Variants in HK2 observed in about 807,000 individuals in gnomAD.
HK2 encodes hexokinase 2.
Under a neutral mutation model 92.9 loss-of-function variants are expected in HK2, and 42 were observed. That is an observed-to-expected ratio of 0.45 (90% CI 0.35 to 0.58). HK2 has a LOEUF of 0.58. Ranked by LOEUF, HK2 falls within the 20% of genes least tolerant of loss-of-function variation. The pLI is 0.00. For missense variants in HK2, 978 were observed against 1,245.1 expected (o/e 0.79, Z 3.23); for synonymous variants, 422 against 468.0 (o/e 0.90, Z 1.27).
At chr2:74,842,182 C>T (rs1378681524) in intron 1 of HK2, among the ~76,000 whole-genome samples, 1 of 152,208 alleles carries the variant, frequency 6.6e-6, no homozygotes, top group Non-Finnish European at 1.5e-5. Flanking sequence ...CTGTGCCTGA[C>T]ATATAGTCAA....
intron 1 of HK2, among the ~76,000 whole-genome samples, chr2:74,843,813 T>G (rs1413211183): frequency 6.6e-6 from 1 of 152,236 alleles, no homozygotes; most frequent in East Asian, 1.9e-4. Context: ...TTTTCCTTCT[T>G]TCCCATTTGA....
intron 1 of HK2, among the ~76,000 whole-genome samples, chr2:74,836,879 TC>T (rs1483226589): frequency 1.3e-5 from 2 of 152,176 alleles, no homozygotes; most frequent in Non-Finnish European, 2.9e-5. Context: ...CCTTCTGAAA[TC>T]CCCTTGTGAT....
At chr2:74,859,208 C>T (rs1457509703) in intron 2 of HK2, among the ~76,000 whole-genome samples, 3 of 152,280 alleles carry the variant, frequency 2.0e-5, no homozygotes, top group Middle Eastern at 3.4e-3. Flanking sequence ...TGATGCATTA[C>T]AAAACATAAA....
chr2:74,863,257 T>A (rs1193148794), intron 2 of HK2, among the ~76,000 whole-genome samples: 1 of 152,234 alleles, frequency 6.6e-6, no homozygotes, highest in Non-Finnish European at 1.5e-5. Context: ...TTGGAGCAGC[T>A]CTGTTTTTCT....
At chr2:74,866,197 T>TA (rs1202039440) in intron 2 of HK2, among the ~76,000 whole-genome samples, 1 of 152,130 alleles carries the variant, frequency 6.6e-6, no homozygotes, top group Non-Finnish European at 1.5e-5. Context: ...TCTCAGGGCC[T>TA]AAGTGCTGGA....
In HK2 at chr2:74,885,845, A is replaced by AACACACACACACACACACAC. The variant is rs71406901; in HGVS notation, c.1935+278_1935+297dup. On this transcript the variant is annotated intron_variant, in intron 13 of 17. Transcript: ENST00000290573. ...TGGCAGGTGCTGTTAAGAGCTGTGAAACACACACACACACACACACACACA... is the reference window on the plus strand; with the variant it reads ...TGGCAGGTGCTGTTAAGAGCTGTGAAACACACACACACACACACACACACACACACACACACACACACACA... Among the ~76,000 whole-genome samples, 201 of 129,138 alleles carry AACACACACACACACACACAC rather than the reference A, an allele frequency of 1.6e-3. 3 individuals carry two copies. The highest frequency in any genetic ancestry group is 6.6e-3 in the East Asian group (29 of 4,378). The allele number at this position is 129,138 out of a possible 152,430, so 84.7% of individuals were successfully genotyped here. A position where few individuals can be genotyped will look rare whatever the true frequency, so the allele number is the denominator to read the frequency against.
chr2:74,861,007 C>G (rs1317083937), intron 2 of HK2, among the ~76,000 whole-genome samples: 1 of 152,198 alleles, frequency 6.6e-6, no homozygotes, highest in Non-Finnish European at 1.5e-5. Flanking sequence ...GTAGGCAGCC[C>G]TAATCTGTGC....
rs1292761568 is a variant in HK2 at position 74,890,810 on chromosome 2, A to G, written c.2623A>G (p.Met875Val). 1 of 1,614,046 alleles carries G rather than the reference A, an allele frequency of 6.2e-7. No individual in the cohort carries two copies. The highest frequency in any genetic ancestry group is 1.1e-5 in the South Asian group (1 of 91,090). Residue 875 changes from methionine (M) to valine (V), a missense_variant, in exon 18 of 18, where the codon ATG (methionine) becomes GTG (valine). Physicochemically the swap from Met to Val is conservative, Grantham distance 21 (BLOSUM62 1). This residue lies in a region of HK2 where 742 missense variants were observed against 922.5 expected (regional missense o/e 0.80). Coordinates refer to ENST00000290573, the MANE Select transcript of HK2 (RefSeq NM_000189.5). ...YKLHPHFAKV[M>V]HETVKDLAPK... ...CACCTTTTCCAGCTTTGCCAAAGTC[A>G]TGCATGAGACAGTGAAGGACCTGGC...
intron 11 of HK2, 33 bp downstream of exon 11, chr2:74,881,892 C>T: frequency 6.2e-7 from 1 of 1,611,140 alleles, no homozygotes; most frequent in South Asian, 1.1e-5. Context: ...GAGGGGGCCC[C>T]TGGTGGACGT....
intron 1 of HK2, among the ~76,000 whole-genome samples, chr2:74,838,334 C>T (rs554791022): frequency 3.9e-5 from 6 of 152,150 alleles, no homozygotes; most frequent in African/African-American, 1.4e-4. Flanking sequence ...GCAGGGCCAG[C>T]TAGTCTTAGG....
intron 11 of HK2, 121 bp downstream of exon 11, chr2:74,881,980 G>A (rs1260220267): frequency 2.1e-6 from 3 of 1,417,756 alleles, no homozygotes; most frequent in African/African-American, 1.4e-5. Context: ...CAGGGCTGCA[G>A]CCTGGTCTTG....
chr2:74,854,431 G>A lies in HK2; in HGVS notation c.202G>A (p.Val68Met), dbSNP rs780432817. 1 of 1,614,216 alleles carries A rather than the reference G, an allele frequency of 6.2e-7. No homozygotes were observed. Among genetic ancestry groups the A allele is most frequent in the Non-Finnish European group, 8.5e-7 (1 of 1,180,028 alleles). ...AGCAGTGAAGATGCTGCCCACCTTTGTGAGGTCCACTCCAGATGGGACAGG... is the reference window on the plus strand; with the variant it reads ...AGCAGTGAAGATGCTGCCCACCTTTATGAGGTCCACTCCAGATGGGACAGG... ...TAAVKMLPTF[V>M]RSTPDGTEHG... The change falls in exon 2 of 18, where the codon GTG (valine) becomes ATG (methionine). Residue 68 changes from valine (V) to methionine (M), a missense_variant. Coordinates refer to ENST00000290573, the MANE Select transcript of HK2 (RefSeq NM_000189.5).
At chr2:74,848,977 C>T (rs1027617009) in intron 1 of HK2, among the ~76,000 whole-genome samples, 2 of 152,264 alleles carry the variant, frequency 1.3e-5, no homozygotes, top group Admixed American at 1.3e-4. Context: ...TTGCAGTCAC[C>T]TCCAGGCCTT....
At chr2:74,848,659 C>T (rs1318818626) in intron 1 of HK2, among the ~76,000 whole-genome samples, 9 of 152,176 alleles carry the variant, frequency 5.9e-5, no homozygotes. Context: ...CCTTTTAAAA[C>T]CCTTGAGTAC....
At chr2:74,839,249 C>T (rs1377983705) in intron 1 of HK2, among the ~76,000 whole-genome samples, 2 of 152,098 alleles carry the variant, frequency 1.3e-5, no homozygotes, top group African/African-American at 4.8e-5. Flanking sequence ...GCTGCTAGGT[C>T]AAAAGAGTGA....
chr2:74,884,941 T>C (rs987438886), intron 12 of HK2, among the ~76,000 whole-genome samples: 3 of 152,208 alleles, frequency 2.0e-5, no homozygotes, highest in African/African-American at 7.2e-5. Context: ...AGCCTAGCTG[T>C]CACCCAGCTG....
At chr2:74,882,072 C>T in intron 11 of HK2, 48 bp from the exon 12 acceptor site, 1 of 1,579,390 alleles carries the variant, frequency 6.3e-7, no homozygotes, top group Non-Finnish European at 8.7e-7. Context: ...TGGGGGCAGC[C>T]TGCCCTGCCC....
intron 9 of HK2, 102 bp from the exon 10 acceptor site, chr2:74,880,163 C>G (rs779417151): frequency 1.2e-4 from 158 of 1,288,022 alleles, no homozygotes; most frequent in Middle Eastern, 1.9e-4. Context: ...CCTGCAGGTG[C>G]CTTTTGGCAT....
intron 17 of HK2, 54 bp downstream of exon 17, chr2:74,889,532 T>C (rs1689624386): frequency 8.4e-7 from 1 of 1,192,958 alleles, no homozygotes; most frequent in Non-Finnish European, 1.2e-6. Context: ...CTTTGTTCTT[T>C]CCCTTTTCTT....
Sources: gnomAD v4.1 joint callset for allele counts (sites outside exome capture counted in the v4.1 genomes callset) on GRCh38, gnomAD v4.1.1 for gene constraint, gnomAD v4.1.1 regional missense constraint, MANE v1.5 for transcripts, NCBI Gene and HGNC (gene_info 2026-07-23, HGNC 2026-07-21) for gene names.